ADAMTSL1: variants seen among roughly 807,000 people sequenced by gnomAD.
The protein encoded by ADAMTSL1 is ADAMTS-like protein 1.
In ADAMTSL1, 126 loss-of-function variants were observed where a neutral mutation model predicts 201.8. The ratio of observed to expected loss-of-function variants is 0.62; its 90% confidence interval spans 0.54 to 0.72. The LOEUF is 0.72. ADAMTSL1 is among the 30% of genes least tolerant of loss of function. The pLI is 0.00. For missense variants in ADAMTSL1, 2,679 were observed against 2,277.8 expected (o/e 1.18, Z -3.59); for synonymous variants, 1,121 against 903.4 (o/e 1.24, Z -4.32).
chr9:18,054,844 TG>T (rs762957566), intron 1 of ADAMTSL1, among the ~76,000 whole-genome samples: 14 of 152,242 alleles, frequency 9.2e-5, no homozygotes, highest in Admixed American at 3.3e-4. Flanking sequence ...TTATTTCCCT[TG>T]GGGGAGGTGC....
At chr9:17,999,399 TA>T (rs1819519949) in intron 1 of ADAMTSL1, among the ~76,000 whole-genome samples, 1 of 152,016 alleles carries the variant, frequency 6.6e-6, no homozygotes, top group Admixed American at 6.6e-5. Context: ...CCCAAAATAA[TA>T]GCTTTACTTT....
chr9:18,835,711 T>C (rs1270392024), intron 23 of ADAMTSL1, among the ~76,000 whole-genome samples: 1 of 152,122 alleles, frequency 6.6e-6, no homozygotes, highest in Non-Finnish European at 1.5e-5. Flanking sequence ...TTTATGTCCA[T>C]GAGTACCCAA....
intron 23 of ADAMTSL1, among the ~76,000 whole-genome samples, chr9:18,832,146 T>A (rs1825025849): frequency 6.6e-6 from 1 of 152,190 alleles, no homozygotes. Context: ...AGCCACAGCT[T>A]GTCCATTCAG....
chr9:18,406,088 G>A (rs983195442), intron 2 of ADAMTSL1, among the ~76,000 whole-genome samples: 6 of 152,100 alleles, frequency 3.9e-5, no homozygotes, highest in South Asian at 2.1e-4. Context: ...CAGTCCAGTC[G>A]TGTTTTAGAG....
At chr9:18,622,464 C>A (rs772687260) in intron 5 of ADAMTSL1, 95 bp downstream of exon 5, 6 of 1,546,434 alleles carry the variant, frequency 3.9e-6, no homozygotes, top group Non-Finnish European at 4.4e-6. Flanking sequence ...AACAACACCT[C>A]CACCAAAACG....
chr9:18,129,366 T>C (rs1825858405), intron 1 of ADAMTSL1, among the ~76,000 whole-genome samples: 1 of 152,170 alleles, frequency 6.6e-6, no homozygotes, highest in Non-Finnish European at 1.5e-5. Context: ...AATAAGAACA[T>C]TGCAGCCCAG....
At chr9:18,196,344 T>G (rs906716728) in intron 2 of ADAMTSL1, among the ~76,000 whole-genome samples, 2 of 152,018 alleles carry the variant, frequency 1.3e-5, no homozygotes, top group African/African-American at 4.8e-5. Flanking sequence ...CCTTACCTCA[T>G]CGTAAAAGAG....
chr9:18,883,338 G>A (rs1310855499), intron 23 of ADAMTSL1, among the ~76,000 whole-genome samples: 2 of 152,074 alleles, frequency 1.3e-5, no homozygotes, highest in African/African-American at 2.4e-5. Flanking sequence ...CTAATATAAT[G>A]GCAAAGGCAC....
intron 1 of ADAMTSL1, among the ~76,000 whole-genome samples, chr9:18,475,267 T>C (rs1157659301): frequency 6.6e-6 from 1 of 152,136 alleles, no homozygotes; most frequent in Non-Finnish European, 1.5e-5. Context: ...GAGAACAAGG[T>C]AAAAATGTAG....
intron 2 of ADAMTSL1, among the ~76,000 whole-genome samples, chr9:18,340,141 G>C (rs1586922488): frequency 6.6e-6 from 1 of 152,226 alleles, no homozygotes; most frequent in African/African-American, 2.4e-5. Flanking sequence ...GAAATCTGGG[G>C]CTTCCCCAAC....
chr9:18,074,521 T>TTTCTTCTCTC (rs1458809196), intron 1 of ADAMTSL1, among the ~76,000 whole-genome samples: 3 of 141,484 alleles, frequency 2.1e-5, no homozygotes, highest in Non-Finnish European at 4.5e-5. Context: ...CTTCTTTTCT[T>TTTCTTCTCTC]TTCTTTTCTT....
In ADAMTSL1 at chr9:18,777,714, G is replaced by T; in HGVS notation, c.3485G>T (p.Arg1162Leu). 1 of 1,613,200 alleles carries T rather than the reference G, an allele frequency of 6.2e-7. No homozygotes were observed. The highest frequency in any genetic ancestry group is 8.5e-7 in the Non-Finnish European group (1 of 1,179,618). The change falls in exon 19 of 29, where the codon CGC (arginine) becomes CTC (leucine). Residue 1162 changes from arginine (R) to leucine (L), a missense_variant. By Grantham distance (102) the Arg-to-Leu change is moderately radical. Transcript: ENST00000380548. The stretch of plus-strand genomic sequence containing the variant: ...GGGGGAGGCTCTCGAAGGCCACACC[G>T]CAAGCCCACCATCCTGCGCAAGATC... Reference protein sequence around the residue: ...DAGGGSRRPHRKPTILRKISA... With the variant: ...DAGGGSRRPHLKPTILRKISA...
intron 2 of ADAMTSL1, among the ~76,000 whole-genome samples, chr9:18,402,560 C>T (rs531454652): frequency 6.6e-6 from 1 of 152,246 alleles, no homozygotes; most frequent in Admixed American, 6.5e-5. Context: ...CTTCCTAGGG[C>T]TCCTAGGGTG....
chr9:18,899,350 A>G (rs572305526), intron 26 of ADAMTSL1, among the ~76,000 whole-genome samples: 1 of 152,374 alleles, frequency 6.6e-6, no homozygotes, highest in East Asian at 1.9e-4. Context: ...AAAAATCAGT[A>G]TCATGAAAAT....
chr9:18,734,621 A>G (rs1564191391), intron 15 of ADAMTSL1, among the ~76,000 whole-genome samples: 1 of 152,214 alleles, frequency 6.6e-6, no homozygotes, highest in Admixed American at 6.5e-5. Flanking sequence ...CATAACAGTC[A>G]TGTTAGAGAT....
At chr9:18,312,252 T>G (rs1289664377) in intron 2 of ADAMTSL1, among the ~76,000 whole-genome samples, 2 of 152,188 alleles carry the variant, frequency 1.3e-5, no homozygotes, top group Admixed American at 1.3e-4. Context: ...AGGGCAAGAT[T>G]GGTGGCAACT....
At chr9:18,667,068 G>A (rs373898662) in intron 9 of ADAMTSL1, among the ~76,000 whole-genome samples, 138 of 151,068 alleles carry the variant, frequency 9.1e-4, no homozygotes, top group African/African-American at 3.0e-3. Context: ...ACACTATCAC[G>A]GCCACAATTA....
chr9:18,130,146 A>G (rs1825890063), intron 1 of ADAMTSL1, among the ~76,000 whole-genome samples: 1 of 151,890 alleles, frequency 6.6e-6, no homozygotes, highest in South Asian at 2.1e-4. Context: ...CATCACAGTA[A>G]CCTCAGCTAC....
intron 2 of ADAMTSL1, among the ~76,000 whole-genome samples, chr9:18,186,660 G>A (rs1267436978): frequency 6.6e-6 from 1 of 152,112 alleles, no homozygotes; most frequent in East Asian, 1.9e-4. Context: ...TGTTTAATGA[G>A]ATCTGTAGGA....
Sources: gnomAD v4.1 joint callset for allele counts (sites outside exome capture counted in the v4.1 genomes callset) on GRCh38, gnomAD v4.1.1 for gene constraint, MANE v1.5 for transcripts, NCBI Gene and HGNC (gene_info 2026-07-23, HGNC 2026-07-21) for gene names.